Variants in ZNF500 observed in about 807,000 individuals in gnomAD.
ZNF500 encodes the protein zinc finger protein 500.
In ZNF500, 31 loss-of-function variants were observed where a neutral mutation model predicts 30.1. That is an observed-to-expected ratio of 1.03 (90% CI 0.77 to 1.39). ZNF500 has a LOEUF of 1.39. Ranked by LOEUF, ZNF500 falls within the 40% of genes most tolerant of loss-of-function variation. The probability of loss-of-function intolerance (pLI) is 0.00; values close to 1 mark genes in which losing one functional copy is unlikely to be tolerated. For missense variants in ZNF500, 817 were observed against 657.8 expected (o/e 1.24, Z -2.65); for synonymous variants, 392 against 282.0 (o/e 1.39, Z -3.91).
chr16:4,759,002 G>C (rs2082168657), intron 5 of ZNF500, among the ~76,000 whole-genome samples: 1 of 152,102 alleles, frequency 6.6e-6, no homozygotes, highest in Non-Finnish European at 1.5e-5. Flanking sequence ...TTGAGATCAG[G>C]AATTCGAGAC....
At chr16:4,761,587 T>C (rs2082201552) in intron 4 of ZNF500, among the ~76,000 whole-genome samples, 1 of 151,388 alleles carries the variant, frequency 6.6e-6, no homozygotes, top group Non-Finnish European at 1.5e-5. Flanking sequence ...GGCTTATGCC[T>C]GTAATCCCAG....
intron 2 of ZNF500, chr16:4,763,665 A>G (rs2082232383): frequency 6.1e-6 from 6 of 985,308 alleles, no homozygotes; most frequent in Non-Finnish European, 7.2e-6. Context: ...CAGCTCAGTG[A>G]TGGCCATGAG....
rs571332397 is a variant in ZNF500 at position 4,751,115 on chromosome 16, C to G, written c.*1261G>C. 1 of 157,474 alleles carries G rather than the reference C, an allele frequency of 6.4e-6. No individual in the cohort carries two copies. The highest frequency in any genetic ancestry group is 6.3e-5 in the Admixed American group (1 of 15,856). 9.8% of individuals were successfully genotyped at this position (157,474 alleles called of 1,614,324 possible). A position where few individuals can be genotyped will look rare whatever the true frequency, so the allele number is the denominator to read the frequency against. On this transcript the variant is annotated 3_prime_UTR_variant, in exon 6 of 6. Transcript: ENST00000219478. ...CCTACCTATGAGGAACAACCACTGC[C>G]TGGCTGGAACGTTCCAGAACCCAGT...
At chr16:4,763,406 A>G (rs2082229035) in intron 2 of ZNF500, among the ~76,000 whole-genome samples, 1 of 141,744 alleles carries the variant, frequency 7.1e-6, no homozygotes, top group African/African-American at 2.6e-5. Context: ...CTCAGGGAAG[A>G]AAAAAAAAAA....
At chr16:4,762,007 C>T (rs1278335483) in intron 4 of ZNF500, among the ~76,000 whole-genome samples, 1 of 152,208 alleles carries the variant, frequency 6.6e-6, no homozygotes, top group East Asian at 1.9e-4. Context: ...GAGTAGGAGT[C>T]ACCACCCTGT....
At chr16:4,746,994 GA>G, downstream of ZNF500, 1 of 1,542,880 alleles carries the variant, frequency 6.5e-7, no homozygotes, top group Non-Finnish European at 8.7e-7. Context: ...GGGAGACGCA[GA>G]GGGGGCATCT....
chr16:4,760,610 A>G (rs1329601007), intron 4 of ZNF500, 22 bp from the exon 5 acceptor site: 1 of 1,607,354 alleles, frequency 6.2e-7, no homozygotes, highest in Admixed American at 1.7e-5. Context: ...CACCCCACTC[A>G]GTCCTGGCCC....
In ZNF500 at chr16:4,752,285, T is replaced by C; in HGVS notation, c.*91A>G. On this transcript the variant is annotated 3_prime_UTR_variant, in exon 6 of 6. Transcript: ENST00000219478. ...TGGGCCATGGGAGGAAACGGGCAGC[T>C]GGCAATGCTTTCGGACCAGGCTGTC... is the stretch of plus-strand genomic sequence containing the variant. The C allele has an allele frequency of 7.0e-7, 1 of 1,429,844 alleles. No homozygotes were observed. The highest frequency in any genetic ancestry group is 9.1e-7 in the Non-Finnish European group (1 of 1,096,808). 88.6% of individuals were successfully genotyped at this position (1,429,844 alleles called of 1,614,324 possible).
chr16:4,745,108 G>T, downstream of ZNF500: 1 of 1,435,630 alleles, frequency 7.0e-7, no homozygotes, highest in Middle Eastern at 1.8e-4. Flanking sequence ...GGCACTCCAT[G>T]TGCATTTTCT....
chr16:4,763,672 T>G (rs2082232414), intron 2 of ZNF500: 1 of 985,378 alleles, frequency 1.0e-6, no homozygotes, highest in Admixed American at 6.1e-5. Flanking sequence ...GTGATGGCCA[T>G]GAGGCATGTG....
chr16:4,758,508 A>T (rs551880320), intron 5 of ZNF500: 1 of 152,252 alleles, frequency 6.6e-6, no homozygotes, highest in African/African-American at 2.4e-5. Context: ...TCTTCAGATC[A>T]GGGTTCCTCA....
At chr16:4,763,495 A>C in intron 2 of ZNF500, 1 of 949,902 alleles carries the variant, frequency 1.1e-6, no homozygotes, top group Non-Finnish European at 1.3e-6. Context: ...GTTGAATGAA[A>C]TTGGGTCTTA....
Position 4,765,957 on chromosome 16 carries a change from G to A in ZNF500, c.22C>T (p.Gln8Ter). 1 of 1,581,386 alleles carries A rather than the reference G, an allele frequency of 6.3e-7. No homozygotes were observed. The highest frequency in any genetic ancestry group is 8.6e-7 in the Non-Finnish European group (1 of 1,165,790). Residue 8 changes from glutamine (Q) to a stop codon, truncating the protein, a stop_gained, in exon 2 of 6, where the codon CAG becomes TAG. Coordinates refer to ENST00000219478, the MANE Select transcript of ZNF500 (RefSeq NM_021646.4). LOFTEE classifies it high-confidence loss of function. Reference sequence around the variant, plus strand: ...TCCTGCTCCAAGGTTGGCAGGGGCTGGAGGCCAGGGACAGTGGCCATTGCT... The same window carrying A: ...TCCTGCTCCAAGGTTGGCAGGGGCTAGAGGCCAGGGACAGTGGCCATTGCT... MATVPGL[Q>*]PLPTLEQDLE...
At chr16:4,762,502 G>T in intron 3 of ZNF500, 71 bp downstream of exon 3, 1 of 1,546,398 alleles carries the variant, frequency 6.5e-7, no homozygotes, top group Non-Finnish European at 8.7e-7. Context: ...CCTGGCCACA[G>T]TCCACACCCC....
rs1567516981 is a variant in ZNF500 at position 4,752,063 on chromosome 16, A to T, written c.*313T>A. On this transcript the variant is annotated 3_prime_UTR_variant, in exon 6 of 6. Coordinates refer to ENST00000219478, the MANE Select transcript of ZNF500 (RefSeq NM_021646.4). ...GCTGATGGACCCTCCCAGGCCCTTCAGGAGCCAGCCCCACGAACACCTTGA... is the reference window on the plus strand; with the variant it reads ...GCTGATGGACCCTCCCAGGCCCTTCTGGAGCCAGCCCCACGAACACCTTGA... 2.3e-6 allele frequency: 3 copies of T among 1,296,992 alleles called. No homozygotes were observed. The East Asian group carries it at 9.6e-5, about 41-fold the overall frequency. 80.3% of individuals were successfully genotyped at this position (1,296,992 alleles called of 1,614,324 possible).
chr16:4,754,912 C>G (rs1490804525), intron 5 of ZNF500, among the ~76,000 whole-genome samples: 5 of 152,208 alleles, frequency 3.3e-5, no homozygotes, highest in Admixed American at 1.3e-4. Context: ...CCTCTTGGTA[C>G]TGTCCTGACA....
At chr16:4,746,961 G>T (rs2082024889), downstream of ZNF500, 3 of 1,554,326 alleles carry the variant, frequency 1.9e-6, no homozygotes, top group Admixed American at 4.3e-5. Flanking sequence ...TGAGGAGGAG[G>T]AGGAGGAAGA....
At chr16:4,755,286 AC>A (rs1344736853) in intron 5 of ZNF500, among the ~76,000 whole-genome samples, 2 of 151,732 alleles carry the variant, frequency 1.3e-5, no homozygotes, top group Non-Finnish European at 2.9e-5. Flanking sequence ...GAGCCACAGC[AC>A]CCAGCCTTGT....
rs542667039 is a variant in ZNF500 at position 4,760,385 on chromosome 16, G to T, written c.760+107C>A. 799 of 1,031,640 alleles carry T rather than the reference G, an allele frequency of 7.7e-4. 3 individuals carry two copies. In the African/African-American group the frequency reaches 0.011, roughly 15 times the overall value. The allele number at this position is 1,031,640 out of a possible 1,614,324, so 63.9% of individuals were successfully genotyped here. ...GGATACGGGTAGCCCTGTCCACGGA[G>T]GATCGCCCCAGGCCAACTGGACCAA... is the stretch of plus-strand genomic sequence containing the variant. On this transcript the variant is annotated intron_variant, in intron 5 of 5. Transcript: ENST00000219478.
Sources: allele counts gnomAD v4.1 joint callset (sites outside exome capture counted in the v4.1 genomes callset), GRCh38; gene constraint gnomAD v4.1.1; transcripts MANE v1.5; gene names NCBI Gene and HGNC (gene_info 2026-07-23, HGNC 2026-07-21).